EPHA2: variants seen among roughly 807,000 people sequenced by gnomAD.
EPHA2 encodes the protein EPH receptor A2.
EPHA2 carries 54 observed loss-of-function variants against 104.9 expected under a neutral mutation model. The observed-to-expected ratio is 0.51, with a 90% confidence interval of 0.41 to 0.65. The LOEUF (loss-of-function observed/expected upper bound fraction) is 0.65. Ranked by LOEUF, EPHA2 falls within the 30% of genes least tolerant of loss-of-function variation. EPHA2 has a pLI of 0.00. For synonymous variants in EPHA2, 560 were observed against 559.1 expected, an observed-to-expected ratio of 1.00 and a Z score of -0.02; for missense variants, 1,117 against 1,369.5, an observed-to-expected ratio of 0.82 and a Z score of 2.91.
chr1:16,132,567 G>C (rs1460390893), intron 11 of EPHA2, 128 bp from the exon 12 acceptor site: 2 of 995,676 alleles, frequency 2.0e-6, no homozygotes, highest in Non-Finnish European at 1.6e-6. Context: ...AGGTGGAACA[G>C]GTGTGGGGAG....
At chr1:16,151,269 C>T (rs908458952) in intron 1 of EPHA2, among the ~76,000 whole-genome samples, 13 of 152,242 alleles carry the variant, frequency 8.5e-5, no homozygotes, top group Admixed American at 7.2e-4. Flanking sequence ...CAGAGCAGGC[C>T]AGGGAGCTCA....
Position 16,150,155 on chromosome 1 carries a change from G to A in EPHA2, c.153+741C>T, listed in dbSNP as rs2025009126. ...ACAAGAACTCGACTCATGCAGATCT[G>A]GCCAGCTCTGGGAACTATTCCAAGT... On this transcript the variant is annotated intron_variant, in intron 2 of 16. Transcript: ENST00000358432. This position sits in a 1 kb window ranked among gnomAD's most constrained non-coding sequence, Gnocchi z 4.8. Among the ~76,000 whole-genome samples, 1 of 152,158 alleles carries A rather than the reference G, an allele frequency of 6.6e-6. No individual in the cohort carries two copies. The highest frequency in any genetic ancestry group is 6.5e-5 in the Admixed American group (1 of 15,282).
chr1:16,150,002 C>T lies in EPHA2; in HGVS notation c.153+894G>A, dbSNP rs74054926. ...CCTACATGCCCTTGGGCCTCAGTTT[C>T]CCACTCTGTATAAAGACTGGGTTGT... is the stretch of plus-strand genomic sequence containing the variant. On this transcript the variant is annotated intron_variant, in intron 2 of 16. Coordinates refer to ENST00000358432, the MANE Select transcript of EPHA2 (RefSeq NM_004431.5). The surrounding 1 kb of genome is among the most constrained non-coding windows in gnomAD (Gnocchi z 4.8). 0.022 allele frequency among the ~76,000 whole-genome samples: 3,331 copies of T among 152,274 alleles called. 109 individuals carry two copies. The highest frequency in any genetic ancestry group is 0.075 in the African/African-American group (3,121 of 41,524).
Position 16,135,874 on chromosome 1 carries a change from T to G in EPHA2, c.1313-104A>C. The G allele has an allele frequency of 1.5e-6, 1 of 657,094 alleles. No homozygotes were observed. The highest frequency in any genetic ancestry group is 2.7e-5 in the East Asian group (1 of 37,360). The allele number at this position is 657,094 out of a possible 1,614,324, so 40.7% of individuals were successfully genotyped here. A position where few individuals can be genotyped will look rare whatever the true frequency, so the allele number is the denominator to read the frequency against. On this transcript the variant is annotated intron_variant, in intron 5 of 16. Coordinates refer to ENST00000358432, the MANE Select transcript of EPHA2 (RefSeq NM_004431.5). This position sits in a 1 kb window ranked among gnomAD's most constrained non-coding sequence, Gnocchi z 4.3. ...GGAGCCACATCCTCCACAGCCCAGA[T>G]TCTTTCATTTTTTTGAGACAGGATC...
intron 3 of EPHA2, among the ~76,000 whole-genome samples, chr1:16,143,745 C>A (rs760991745): frequency 6.6e-6 from 1 of 152,186 alleles, no homozygotes; most frequent in Non-Finnish European, 1.5e-5. Flanking sequence ...CCAAGCCAGG[C>A]CCAGCAGGTG....
Position 16,131,621 on chromosome 1 carries a change from G to A in EPHA2, c.2475+100C>T. 13 of 1,517,008 alleles carry A rather than the reference G, an allele frequency of 8.6e-6. No homozygotes were observed. The highest frequency in any genetic ancestry group is 1.2e-5 in the Non-Finnish European group (13 of 1,104,270). The allele number at this position is 1,517,008 out of a possible 1,614,324, so 94.0% of individuals were successfully genotyped here. A position where few individuals can be genotyped will look rare whatever the true frequency, so the allele number is the denominator to read the frequency against. ...AACATTTATGGAGCAAGCCTAAGAA[G>A]GTTCATCTAAACTGTCCTCTGCCCA... is the stretch of plus-strand genomic sequence containing the variant. On this transcript the variant is annotated intron_variant, in intron 14 of 16. Transcript: ENST00000358432. The surrounding 1 kb of genome is among the most constrained non-coding windows in gnomAD (Gnocchi z 5.2).
intron 11 of EPHA2, chr1:16,132,866 A>G (rs1260004413): frequency 9.2e-6 from 4 of 432,598 alleles, no homozygotes; most frequent in Admixed American, 4.0e-5. Context: ...GTATGGGGGG[A>G]AGGTGGGCAC....
intron 1 of EPHA2, among the ~76,000 whole-genome samples, chr1:16,154,485 G>T (rs1477762594): frequency 6.6e-6 from 1 of 152,044 alleles, no homozygotes; most frequent in Non-Finnish European, 1.5e-5. Flanking sequence ...CGGGGGTGGT[G>T]GCTCATGCCT....
At position 16,135,627 on chromosome 1, in the gene EPHA2, G is replaced by C. The variant is rs2024669394; in HGVS notation, c.1428+28C>G. 2 of 1,604,550 alleles carry C rather than the reference G, an allele frequency of 1.2e-6. No individual in the cohort carries two copies. The highest frequency in any genetic ancestry group is 1.3e-5 in the African/African-American group (1 of 74,714). On this transcript the variant is annotated intron_variant, in intron 6 of 16. Transcript: ENST00000358432. This position sits in a 1 kb window ranked among gnomAD's most constrained non-coding sequence, Gnocchi z 4.3. ...CTGTCCCCTGCTGTCGGCCCAGCTA[G>C]AGCCAGCCCCGCCCCTCTGGGAGTT... is the stretch of plus-strand genomic sequence containing the variant.
chr1:16,127,696 G>A (rs1355389055), intron 16 of EPHA2, among the ~76,000 whole-genome samples: 3 of 152,342 alleles, frequency 2.0e-5, no homozygotes, highest in African/African-American at 7.2e-5. Context: ...GGGGAAGGAG[G>A]AGGCATGCAG....
chr1:16,139,446 C>T (rs1389838663), intron 3 of EPHA2, among the ~76,000 whole-genome samples: 2 of 152,236 alleles, frequency 1.3e-5, no homozygotes, highest in African/African-American at 4.8e-5. Context: ...ACACAATGAT[C>T]CTCTGCTCTG....
At chr1:16,154,521 C>G (rs866291678) in intron 1 of EPHA2, among the ~76,000 whole-genome samples, 1 of 151,898 alleles carries the variant, frequency 6.6e-6, no homozygotes, top group Middle Eastern at 3.2e-3. Flanking sequence ...TGGGAGGCCG[C>G]GGCGGGTGGA....
chr1:16,149,057 G>A lies in EPHA2; in HGVS notation c.154-10C>T, dbSNP rs1482250808. ...TCTGCATCAGGTCCCACTGTGGGGG[G>A]AAGATACAGGTTAGTGTGGGCAGGT... is the stretch of plus-strand genomic sequence containing the variant. On this transcript the variant is annotated splice_polypyrimidine_tract_variant and intron_variant, in intron 2 of 16. Coordinates refer to ENST00000358432, the MANE Select transcript of EPHA2 (RefSeq NM_004431.5). 6 of 1,611,340 alleles carry A rather than the reference G, an allele frequency of 3.7e-6. No individual in the cohort carries two copies. Among genetic ancestry groups the A allele is most frequent in the Non-Finnish European group, 5.1e-6 (6 of 1,180,016 alleles).
chr1:16,140,320 T>C (rs1213312648), intron 3 of EPHA2, among the ~76,000 whole-genome samples: 1 of 152,202 alleles, frequency 6.6e-6, no homozygotes, highest in Non-Finnish European at 1.5e-5. Flanking sequence ...GAAGGGGGCT[T>C]GTCCCAGGTC....
At position 16,125,301 on chromosome 1, in the gene EPHA2, C is replaced by G. The variant is rs749734969; in HGVS notation, c.2845G>C (p.Val949Leu). 22 of 1,613,296 alleles carry G rather than the reference C, an allele frequency of 1.4e-5. No homozygotes were observed. The East Asian group carries it at 4.7e-4, about 34-fold the overall frequency. The change falls in exon 17 of 17, where the codon GTG becomes CTG. Residue 949 changes from valine (V) to leucine (L), a missense_variant. By Grantham distance (32) the Val-to-Leu change is conservative. Around this residue, in one of 3 missense-constraint regions of EPHA2, gnomAD observed 340 missense variants for 480.5 expected, o/e 0.71. Coordinates refer to ENST00000358432, the MANE Select transcript of EPHA2 (RefSeq NM_004431.5). This position sits in a 1 kb window ranked among gnomAD's most constrained non-coding sequence, Gnocchi z 4.9. ...MTNDDIKRIG[V>L]RLPGHQKRIA... is the part of the protein sequence containing the mutation. The stretch of plus-strand genomic sequence containing the variant: ...CGCTTCTGGTGGCCGGGCAGCCGCA[C>G]CCCAATCCTCTTGATGTCGCTGTGG...
At chr1:16,153,179 T>C in intron 1 of EPHA2, 1 of 984,930 alleles carries the variant, frequency 1.0e-6, no homozygotes, top group African/African-American at 1.7e-5. Flanking sequence ...AGTTCCACCG[T>C]AAGTGCCATC....
rs956907827 is a variant in EPHA2 at position 16,138,073 on chromosome 1, G to T, written c.1092C>A (p.Val364=). ...SGGREDIVYS[V]TCEQCWPESG... ...ACTCGGGCCAGCACTGTTCGCAGGT[G>T]ACGCTGTAGACAATGTCCTCGCGGC... The change falls in exon 5 of 17, where the codon GTC becomes GTA. Residue 364 remains valine (V), a synonymous_variant. Coordinates refer to ENST00000358432, the MANE Select transcript of EPHA2 (RefSeq NM_004431.5). 8.7e-6 allele frequency: 14 copies of T among 1,612,198 alleles called. No individual in the cohort carries two copies. The African/African-American group carries it at 1.5e-4, about 17-fold the overall frequency.
chr1:16,131,993 G>A lies in EPHA2; in HGVS notation c.2325+71C>T. Reference sequence around the variant, plus strand: ...GTTCTGCCTCCTGAAGCACTGCCCAGGTGTGCAGGTGAGAGGACACCATGC... The same window carrying A: ...GTTCTGCCTCCTGAAGCACTGCCCAAGTGTGCAGGTGAGAGGACACCATGC... On this transcript the variant is annotated intron_variant, in intron 13 of 16. Transcript: ENST00000358432. The surrounding 1 kb of genome is among the most constrained non-coding windows in gnomAD (Gnocchi z 5.2). 2.9e-5 allele frequency: 47 copies of A among 1,611,990 alleles called. No homozygotes were observed. Among genetic ancestry groups the A allele is most frequent in the Non-Finnish European group, 3.9e-5 (46 of 1,178,902 alleles).
At chr1:16,137,670 G>C (rs937682064) in intron 5 of EPHA2, among the ~76,000 whole-genome samples, 183 bp downstream of exon 5, 1 of 152,252 alleles carries the variant, frequency 6.6e-6, no homozygotes, top group East Asian at 1.9e-4. Flanking sequence ...GTGTTGGGCC[G>C]CATTCAATGT....
Sources: allele counts gnomAD v4.1 joint callset (sites outside exome capture counted in the v4.1 genomes callset), GRCh38; gene constraint gnomAD v4.1.1; regional missense constraint gnomAD v4.1.1; non-coding constraint Gnocchi (gnomAD v3.1); transcripts MANE v1.5; gene names NCBI Gene and HGNC (gene_info 2026-07-23, HGNC 2026-07-21).